The following ZC3H13 variants were observed in gnomAD, a reference collection of about 807,000 sequenced individuals.
ZC3H13 encodes zinc finger CCCH-type containing 13.
ZC3H13 carries 64 observed loss-of-function variants against 204.1 expected under a neutral mutation model. The ratio of observed to expected loss-of-function variants is 0.31; its 90% CI spans 0.26 to 0.39. The LOEUF is 0.39. ZC3H13 is among the 10% of genes least tolerant of loss of function. The pLI is 1.00. For missense variants in ZC3H13, 1,833 were observed against 2,082.7 expected (o/e 0.88, Z 2.33); for synonymous variants, 667 against 693.7 (o/e 0.96, Z 0.60).
intron 11 of ZC3H13, chr13:45,976,285 T>G: frequency 1.0e-6 from 1 of 985,128 alleles, no homozygotes; most frequent in Non-Finnish European, 1.2e-6. Flanking sequence ...AAAAAAAATT[T>G]CCCTCGTAAG....
At position 46,010,505 on chromosome 13, in the gene ZC3H13, C is replaced by T. The variant is rs2041475816; in HGVS notation, c.589G>A (p.Val197Ile). 6.2e-7 allele frequency: 1 copy of T among 1,605,092 alleles called. No individual in the cohort carries two copies. Among genetic ancestry groups the T allele is most frequent in the South Asian group, 1.1e-5 (1 of 90,682 alleles). ...TTTGATCTAACCACTTCTGGTGAAACCTTTAAAAAAATTCAGTAAGTCAAT... is the reference window on the plus strand; with the variant it reads ...TTTGATCTAACCACTTCTGGTGAAATCTTTAAAAAAATTCAGTAAGTCAAT... ...KREEIIIKKE[V>I]SPEVVRSKLS... Residue 197 changes from valine to isoleucine, a missense_variant and splice_region_variant, in exon 7 of 19, where the codon GTT becomes ATT. By Grantham distance (29) the Val-to-Ile change is conservative. Transcript: ENST00000679008.
chr13:46,011,513 A>T lies in ZC3H13; in HGVS notation c.490T>A (p.Leu164Met). 1.3e-6 allele frequency: 2 copies of T among 1,597,364 alleles called. No homozygotes were observed. Among genetic ancestry groups the T allele is most frequent in the Non-Finnish European group, 1.7e-6 (2 of 1,171,468 alleles). ...TTCTGACGCTTCATTTCCAATGACA[A>T]TTCATGAACATAATCATAATTAATA... ...GDINYDYVHE[L>M]SLEMKRQKIQ... The change falls in exon 6 of 19, where the codon TTG becomes ATG. Residue 164 changes from leucine (L) to methionine (M), a missense_variant. By Grantham distance (15) the Leu-to-Met change is conservative. Around this residue, in one of 5 missense-constraint regions of ZC3H13, gnomAD observed 1,574 missense variants for 1,757.2 expected, o/e 0.90. Coordinates refer to ENST00000679008, the MANE Select transcript of ZC3H13 (RefSeq NM_001330564.2).
chr13:46,000,615 CT>C (rs1566249369), intron 8 of ZC3H13, among the ~76,000 whole-genome samples: 1 of 152,194 alleles, frequency 6.6e-6, no homozygotes, highest in Non-Finnish European at 1.5e-5. Flanking sequence ...CTGCTTTGAT[CT>C]TTTATCCAGC....
At position 45,975,390 on chromosome 13, in the gene ZC3H13, T is replaced by C. The variant is rs1952935205; in HGVS notation, c.2361A>G (p.Gln787=). ...ARERDKERER[Q]RDWEDKDKGR... ...CTTTGTCTTTGTCTTCCCAATCCCT[T>C]TGGCGTTCTCGTTCTTTATCCCTTT... Residue 787 remains glutamine, a synonymous_variant, in exon 12 of 19, where the codon CAA becomes CAG. Coordinates refer to ENST00000679008, the MANE Select transcript of ZC3H13 (RefSeq NM_001330564.2). 1 of 1,614,064 alleles carries C rather than the reference T, an allele frequency of 6.2e-7. No individual in the cohort carries two copies. The highest frequency in any genetic ancestry group is 8.5e-7 in the Non-Finnish European group (1 of 1,179,996).
chr13:46,052,728 CGCCG>C lies in ZC3H13; in HGVS notation c.-338_-335del. On this transcript the variant is annotated 5_prime_UTR_variant, in exon 1 of 19. Transcript: ENST00000679008. The stretch of plus-strand genomic sequence containing the variant: ...CGCTAGGAGGACCGCCTCAAAATGC[CGCCG>C]GAAGTCAGAGGTTTGCCCTGTTCCT... The C allele has an allele frequency of 2.5e-6, 1 of 397,808 alleles. No homozygotes were observed. Among genetic ancestry groups the C allele is most frequent in the Non-Finnish European group, 4.4e-6 (1 of 225,668 alleles). 24.6% of individuals were successfully genotyped at this position (397,808 alleles called of 1,614,324 possible). A position where few individuals can be genotyped will look rare whatever the true frequency, so the allele number is the denominator to read the frequency against.
chr13:45,986,589 C>T (rs1954218322), intron 9 of ZC3H13, among the ~76,000 whole-genome samples: 1 of 152,140 alleles, frequency 6.6e-6, no homozygotes, highest in Non-Finnish European at 1.5e-5. Flanking sequence ...CCATAATTTG[C>T]AAAGATTAGA....
chr13:46,005,607 A>C (rs2041079632), intron 7 of ZC3H13, among the ~76,000 whole-genome samples: 1 of 152,076 alleles, frequency 6.6e-6, no homozygotes, highest in South Asian at 2.1e-4. Context: ...CCCATGCCTC[A>C]GCCCTCTGAG....
intron 18 of ZC3H13, 144 bp from the exon 19 acceptor site, chr13:45,957,441 C>T: frequency 1.1e-6 from 1 of 875,712 alleles, no homozygotes; most frequent in Non-Finnish European, 1.5e-6. Flanking sequence ...GATTTCAAAG[C>T]AAAATTAGAA....
chr13:45,969,458 C>T lies in ZC3H13; in HGVS notation c.3086G>A (p.Arg1029Lys), dbSNP rs757801560. ...EEAAQQSKKK[R>K]GPRTPPITTK... The stretch of plus-strand genomic sequence containing the variant: ...TGTTATAGGGGGAGTCCGTGGGCCT[C>T]TTTTCTTCTTACTTTGCTGGGCTGC... The change falls in exon 14 of 19, where the codon AGA (arginine) becomes AAA (lysine). Residue 1029 changes from arginine (R) to lysine (K), a missense_variant. By Grantham distance (26) the Arg-to-Lys change is conservative (BLOSUM62 2). Transcript: ENST00000679008. 1 of 1,613,432 alleles carries T rather than the reference C, an allele frequency of 6.2e-7. No homozygotes were observed. The highest frequency in any genetic ancestry group is 8.5e-7 in the Non-Finnish European group (1 of 1,179,878).
chr13:45,969,492 C>A lies in ZC3H13; in HGVS notation c.3052G>T (p.Asp1018Tyr). The A allele has an allele frequency of 6.2e-7, 1 of 1,608,472 alleles. No individual in the cohort carries two copies. The highest frequency in any genetic ancestry group is 8.5e-7 in the Non-Finnish European group (1 of 1,178,656). The change falls in exon 14 of 19, where the codon GAT becomes TAT. Residue 1018 changes from aspartate (D) to tyrosine (Y), a missense_variant. By Grantham distance (160) the Asp-to-Tyr change is radical (BLOSUM62 -3). This residue lies in a region of ZC3H13 where 1,574 missense variants were observed against 1,757.2 expected (regional missense o/e 0.90). Transcript: ENST00000679008. ...KKSKGDSDISDEEAAQQSKKK... is the reference protein window; with the variant it reads ...KKSKGDSDISYEEAAQQSKKK... ...TTACTTTGCTGGGCTGCTTCTTCATCAGAAATATCAGAATCACCTTTGGAT... is the reference window on the plus strand; with the variant it reads ...TTACTTTGCTGGGCTGCTTCTTCATAAGAAATATCAGAATCACCTTTGGAT...
intron 1 of ZC3H13, 65 bp from the exon 2 acceptor site, chr13:46,045,581 G>T: frequency 9.3e-7 from 1 of 1,073,836 alleles, no homozygotes; most frequent in Non-Finnish European, 1.4e-6. Context: ...TGAGCCCACA[G>T]CTTACAAGTA....
At chr13:45,994,748 A>C (rs1460737915) in intron 8 of ZC3H13, among the ~76,000 whole-genome samples, 1 of 152,198 alleles carries the variant, frequency 6.6e-6, no homozygotes, top group Admixed American at 6.5e-5. Flanking sequence ...GAACCAGTTA[A>C]AGTTACTACT....
chr13:45,959,626 G>T lies in ZC3H13; in HGVS notation c.4696C>A (p.His1566Asn), dbSNP rs867529835. Reference protein sequence around the residue: ...KPKDADNLFEHELGALNMAAL... With the variant: ...KPKDADNLFENELGALNMAAL... ...GCCATATTGAGAGCCCCCAATTCAT[G>T]TTCAAAGAGATTGTCTGCATCTTTC... The change falls in exon 18 of 19, where the codon CAT (histidine) becomes AAT (asparagine). Residue 1566 changes from histidine to asparagine, a missense_variant. Transcript: ENST00000679008. 1.3e-6 allele frequency: 2 copies of T among 1,529,682 alleles called. No individual in the cohort carries two copies. The highest frequency in any genetic ancestry group is 1.8e-6 in the Non-Finnish European group (2 of 1,138,968). The allele number at this position is 1,529,682 out of a possible 1,614,324, so 94.8% of individuals were successfully genotyped here.
intron 8 of ZC3H13, among the ~76,000 whole-genome samples, chr13:45,993,087 A>T (rs969429406): frequency 4.6e-5 from 7 of 152,172 alleles, no homozygotes; most frequent in Non-Finnish European, 8.8e-5. Context: ...ACTGGAAACC[A>T]GTCTATCTAG....
intron 8 of ZC3H13, among the ~76,000 whole-genome samples, chr13:45,999,436 C>G (rs1373442006): frequency 6.6e-6 from 1 of 152,210 alleles, no homozygotes; most frequent in Admixed American, 6.5e-5. Context: ...GCATCTTCAC[C>G]AGGAGTAGAC....
At chr13:46,038,077 G>T (rs1268733360) in intron 4 of ZC3H13, among the ~76,000 whole-genome samples, 1 of 152,172 alleles carries the variant, frequency 6.6e-6, no homozygotes, top group Non-Finnish European at 1.5e-5. Flanking sequence ...TGGTGAGCAA[G>T]ACAGATCTCA....
chr13:45,970,313 G>T, intron 13 of ZC3H13, 49 bp downstream of exon 13: 1 of 1,584,058 alleles, frequency 6.3e-7, no homozygotes, highest in Non-Finnish European at 8.7e-7. Context: ...TGGTTTCATG[G>T]TTACAAATGA....
At chr13:46,031,273 C>T (rs1416411480) in intron 4 of ZC3H13, among the ~76,000 whole-genome samples, 1 of 151,954 alleles carries the variant, frequency 6.6e-6, no homozygotes, top group East Asian at 1.9e-4. Flanking sequence ...ATAGACCTCA[C>T]AGCCTTCACA....
chr13:45,972,319 C>G (rs1952653370), intron 12 of ZC3H13, among the ~76,000 whole-genome samples: 1 of 152,078 alleles, frequency 6.6e-6, no homozygotes, highest in Admixed American at 6.6e-5. Flanking sequence ...TGGACTACTA[C>G]TCAGCCATAA....
Sources: gnomAD v4.1 joint callset for allele counts (sites outside exome capture counted in the v4.1 genomes callset) on GRCh38, gnomAD v4.1.1 for gene constraint, gnomAD v4.1.1 regional missense constraint, MANE v1.5 for transcripts, NCBI Gene and HGNC (gene_info 2026-07-23, HGNC 2026-07-21) for gene names.